Variants in ZSWIM5 observed in about 807,000 individuals in gnomAD.
ZSWIM5 encodes the protein zinc finger SWIM-type containing 5.
In ZSWIM5, 55 loss-of-function variants were observed where a neutral mutation model predicts 119.6. That is an observed-to-expected ratio of 0.46 (90% CI 0.37 to 0.58). ZSWIM5 has a LOEUF of 0.58. Among genes scored for constraint, ZSWIM5 ranks in the 20% least tolerant of loss-of-function variants. ZSWIM5 has a pLI of 0.00. For synonymous variants in ZSWIM5, 537 were observed against 606.9 expected, an observed-to-expected ratio of 0.88 and a Z score of 1.69; for missense variants, 1,193 against 1,512.8, an observed-to-expected ratio of 0.79 and a Z score of 3.51.
rs11409330 is a variant in ZSWIM5 at position 45,147,584 on chromosome 1, CAAAAAA to C, written c.595+58166_595+58171del. ...TTGTTAGTTAAGTGGTTTACACATG[CAAAAAA>C]AAAAAAAAAAAAAAGGAAGAAACCA... On this transcript the variant is annotated intron_variant, in intron 1 of 13. Coordinates refer to ENST00000359600, the MANE Select transcript of ZSWIM5 (RefSeq NM_020883.2). Among the ~76,000 whole-genome samples the C allele has an allele frequency of 6.4e-5, 6 of 93,314 alleles. 1 individual carries two copies. The highest frequency in any genetic ancestry group is 1.3e-4 in the Admixed American group (1 of 7,716). The allele number at this position is 93,314 out of a possible 152,430, so 61.2% of individuals were successfully genotyped here. A position where few individuals can be genotyped will look rare whatever the true frequency, so the allele number is the denominator to read the frequency against.
chr1:45,072,046 T>A lies in ZSWIM5; in HGVS notation c.953-11799A>T, dbSNP rs1261906908. ...TACTAATTTACTTTGCCACCAACAG[T>A]GTACGAGGGTTCCCTTTTCTCCACA... On this transcript the variant is annotated intron_variant, in intron 2 of 13. Coordinates refer to ENST00000359600, the MANE Select transcript of ZSWIM5 (RefSeq NM_020883.2). This position sits in a 1 kb window ranked among gnomAD's most constrained non-coding sequence, Gnocchi z 4.1. Among the ~76,000 whole-genome samples, 1 of 152,208 alleles carries A rather than the reference T, an allele frequency of 6.6e-6. No homozygotes were observed. Among genetic ancestry groups the A allele is most frequent in the Non-Finnish European group, 1.5e-5 (1 of 68,038 alleles).
intron 4 of ZSWIM5, among the ~76,000 whole-genome samples, chr1:45,053,127 CAAA>C (rs60199581): frequency 3.4e-4 from 42 of 122,144 alleles, no homozygotes; most frequent in Middle Eastern, 4.3e-3. Flanking sequence ...CCGTCTCAAA[CAAA>C]AAAAAAAAAA....
intron 1 of ZSWIM5, among the ~76,000 whole-genome samples, chr1:45,093,122 G>A (rs1645378021): frequency 6.6e-6 from 1 of 152,172 alleles, no homozygotes; most frequent in African/African-American, 2.4e-5. Flanking sequence ...AGGCAGTCTG[G>A]TTCTGAAGCT....
At chr1:45,096,357 A>G (rs1487954918) in intron 1 of ZSWIM5, among the ~76,000 whole-genome samples, 2 of 150,680 alleles carry the variant, frequency 1.3e-5, no homozygotes, top group Admixed American at 6.6e-5. Context: ...AAGGTAAAAC[A>G]TCGCTATTTT....
intron 1 of ZSWIM5, among the ~76,000 whole-genome samples, chr1:45,165,611 G>GCA (rs1347215120): frequency 6.6e-6 from 1 of 151,930 alleles, no homozygotes; most frequent in African/African-American, 2.4e-5. Flanking sequence ...TCAAATAGAT[G>GCA]CAATAAAAAA....
chr1:45,118,991 A>G (rs1645575911), intron 1 of ZSWIM5, among the ~76,000 whole-genome samples: 1 of 152,150 alleles, frequency 6.6e-6, no homozygotes, highest in Admixed American at 6.5e-5. Flanking sequence ...TGTCATGTAT[A>G]TTCAGGGGTG....
At chr1:45,122,914 G>A (rs1321985799) in intron 1 of ZSWIM5, among the ~76,000 whole-genome samples, 2 of 152,110 alleles carry the variant, frequency 1.3e-5, no homozygotes, top group Non-Finnish European at 2.9e-5. Context: ...CTGCTGCAGT[G>A]GTGTCAGATG....
At position 45,162,054 on chromosome 1, in the gene ZSWIM5, A is replaced by G. The variant is rs540907765; in HGVS notation, c.595+43702T>C. On this transcript the variant is annotated intron_variant, in intron 1 of 13. Transcript: ENST00000359600. The stretch of plus-strand genomic sequence containing the variant: ...GTTCATTCTTTAATTTCACCATCCA[A>G]TCTCTACACTGAGACCAGTATGATC... Among the ~76,000 whole-genome samples the G allele has an allele frequency of 8.5e-5, 13 of 152,292 alleles. 1 individual carries two copies. The highest frequency in any genetic ancestry group is 3.3e-4 in the Admixed American group (5 of 15,292).
At chr1:45,203,683 T>C (rs1171755799) in intron 1 of ZSWIM5, among the ~76,000 whole-genome samples, 6 of 152,118 alleles carry the variant, frequency 3.9e-5, no homozygotes, top group African/African-American at 1.4e-4. Flanking sequence ...CATTTACTTA[T>C]AACTTTAAGT....
At chr1:45,167,987 G>A (rs1310722342) in intron 1 of ZSWIM5, among the ~76,000 whole-genome samples, 2 of 152,076 alleles carry the variant, frequency 1.3e-5, no homozygotes, top group Non-Finnish European at 2.9e-5. Flanking sequence ...TATACCCAAA[G>A]GATTATAAAT....
intron 1 of ZSWIM5, among the ~76,000 whole-genome samples, chr1:45,162,264 G>A (rs1209963502): frequency 2.0e-5 from 3 of 152,162 alleles, no homozygotes; most frequent in South Asian, 2.1e-4. Flanking sequence ...AGGCTGAGGC[G>A]GGCAATCACC....
At chr1:45,157,614 T>C (rs1025153213) in intron 1 of ZSWIM5, among the ~76,000 whole-genome samples, 10 of 152,240 alleles carry the variant, frequency 6.6e-5, no homozygotes, top group African/African-American at 2.4e-4. Context: ...ATGTTTCTAG[T>C]TTGGGACTAT....
chr1:45,175,588 C>T (rs2149046744), intron 1 of ZSWIM5, among the ~76,000 whole-genome samples: 1 of 152,022 alleles, frequency 6.6e-6, no homozygotes, highest in African/African-American at 2.4e-5. Context: ...GTAGCTGAGA[C>T]CACAGGCATG....
intron 1 of ZSWIM5, among the ~76,000 whole-genome samples, chr1:45,106,674 G>A (rs754624740): frequency 3.3e-5 from 5 of 152,260 alleles, no homozygotes; most frequent in Admixed American, 3.3e-4. Context: ...GAGCGCCTCC[G>A]CCAGGCTGCC....
intron 5 of ZSWIM5, among the ~76,000 whole-genome samples, chr1:45,044,765 A>G (rs79448889): frequency 0.017 from 118 of 6,816 alleles, 38 homozygotes; most frequent in South Asian, 0.06. Flanking sequence ...ATATATATAT[A>G]TATATATATA....
intron 1 of ZSWIM5, among the ~76,000 whole-genome samples, chr1:45,162,339 A>C (rs1246318396): frequency 5.9e-5 from 9 of 152,200 alleles, no homozygotes. Context: ...TAAAAATACA[A>C]AAATTGGGAG....
rs1408087619 is a variant in ZSWIM5, at chr1:45,205,846, C to G, written c.505G>C (p.Gly169Arg). Residue 169 changes from glycine to arginine, a missense_variant, in exon 1 of 14, where the codon GGC becomes CGC. Gly to Arg is a moderately radical substitution (Grantham distance 125, BLOSUM62 -2). This residue lies in a region of ZSWIM5 where 961 missense variants were observed against 1,290.0 expected (regional missense o/e 0.74). Coordinates refer to ENST00000359600, the MANE Select transcript of ZSWIM5 (RefSeq NM_020883.2). ...GASPGLGAGA[G>R]AAGCGGEGLP... Reference sequence around the variant, plus strand: ...CCCTCGCCACCGCAGCCGGCCGCGCCGGCCCCTGCGCCCAGCCCGGGGGAT... The same window carrying G: ...CCCTCGCCACCGCAGCCGGCCGCGCGGGCCCCTGCGCCCAGCCCGGGGGAT... 10 of 1,472,076 alleles carry G rather than the reference C, an allele frequency of 6.8e-6. No individual in the cohort carries two copies. Among genetic ancestry groups the G allele is most frequent in the Admixed American group, 2.1e-5 (1 of 47,174 alleles). The allele number at this position is 1,472,076 out of a possible 1,614,324, so 91.2% of individuals were successfully genotyped here.
intron 1 of ZSWIM5, among the ~76,000 whole-genome samples, chr1:45,190,906 T>C (rs752194070): frequency 2.0e-5 from 3 of 148,712 alleles, no homozygotes; most frequent in Admixed American, 6.7e-5. Context: ...GAGAGTTCCA[T>C]GTTCGACTGA....
chr1:45,040,597 T>A lies in ZSWIM5; in HGVS notation c.1610-59A>T. On this transcript the variant is annotated intron_variant, in intron 6 of 13. Coordinates refer to ENST00000359600, the MANE Select transcript of ZSWIM5 (RefSeq NM_020883.2). ...TAAAATTTCAAGTCAGGAAAATTTA[T>A]ACCTGACAAAGAGAGTTTGTATTCA... 3 of 1,483,352 alleles carry A rather than the reference T, an allele frequency of 2.0e-6. No homozygotes were observed. The Admixed American group carries it at 6.6e-5, about 33-fold the overall frequency. 91.9% of individuals were successfully genotyped at this position (1,483,352 alleles called of 1,614,324 possible).
Sources: allele counts gnomAD v4.1 joint callset (sites outside exome capture counted in the v4.1 genomes callset), GRCh38; gene constraint gnomAD v4.1.1; regional missense constraint gnomAD v4.1.1; non-coding constraint Gnocchi (gnomAD v3.1); transcripts MANE v1.5; gene names NCBI Gene and HGNC (gene_info 2026-07-23, HGNC 2026-07-21).